The following LDLRAD3 variants were observed in gnomAD, a reference collection of about 807,000 sequenced individuals.
LDLRAD3 encodes low-density lipoprotein receptor class A domain-containing protein 3.
LDLRAD3 carries 20 observed loss-of-function variants against 29.4 expected under a neutral mutation model. The ratio of observed to expected loss-of-function variants is 0.68; its 90% CI spans 0.48 to 0.99. The LOEUF is 0.99. Among genes scored for constraint, LDLRAD3 ranks in the 50% least tolerant of loss-of-function variants. LDLRAD3 has a pLI of 0.00. For synonymous variants in LDLRAD3, 157 were observed against 192.7 expected (o/e 0.81, Z 1.53); for missense variants, 420 against 454.3 (o/e 0.92, Z 0.69).
intron 1 of LDLRAD3, among the ~76,000 whole-genome samples, chr11:35,955,437 C>T (rs940619553): frequency 6.6e-6 from 1 of 152,050 alleles, no homozygotes; most frequent in African/African-American, 2.4e-5. Flanking sequence ...CAACTAAAGA[C>T]TAAATGTAAA....
intron 1 of LDLRAD3, among the ~76,000 whole-genome samples, chr11:35,962,648 T>A (rs1851292149): frequency 6.6e-6 from 1 of 152,214 alleles, no homozygotes; most frequent in Non-Finnish European, 1.5e-5. Flanking sequence ...ATGCCCTTTC[T>A]CTAAGCATAT....
chr11:36,101,762 ATCAG>A (rs1853449746), intron 4 of LDLRAD3, among the ~76,000 whole-genome samples: 1 of 152,200 alleles, frequency 6.6e-6, no homozygotes, highest in African/African-American at 2.4e-5. Context: ...ACCCCAGCAC[ATCAG>A]TGCTGTGGGA....
intron 4 of LDLRAD3, among the ~76,000 whole-genome samples, chr11:36,107,196 T>C (rs1003943233): frequency 1.3e-5 from 2 of 152,062 alleles, no homozygotes; most frequent in African/African-American, 4.8e-5. Flanking sequence ...ATTTTTCTTT[T>C]TCTTTTTCTT....
At chr11:35,984,565 C>G (rs999135183) in intron 1 of LDLRAD3, among the ~76,000 whole-genome samples, 38 of 152,242 alleles carry the variant, frequency 2.5e-4, no homozygotes, top group African/African-American at 8.2e-4. Context: ...GGTTCTGTGT[C>G]CCTTCACCAA....
chr11:36,028,507 C>T (rs981931416), intron 1 of LDLRAD3, among the ~76,000 whole-genome samples: 9 of 151,958 alleles, frequency 5.9e-5, no homozygotes, highest in Non-Finnish European at 1.3e-4. Context: ...TAAAGTCAGC[C>T]ATCACCTGCT....
chr11:36,155,898 A>G (rs1022665872), intron 4 of LDLRAD3, among the ~76,000 whole-genome samples: 3 of 152,166 alleles, frequency 2.0e-5, no homozygotes, highest in Non-Finnish European at 4.4e-5. Context: ...TGCCTTTAAG[A>G]AGCTGAGCCA....
intron 4 of LDLRAD3, among the ~76,000 whole-genome samples, chr11:36,099,243 A>G (rs1046585435): frequency 3.9e-5 from 6 of 152,328 alleles, no homozygotes; most frequent in African/African-American, 1.2e-4. Context: ...GGAGGACACA[A>G]TGGGATAAGG....
chr11:36,105,686 G>T (rs1283763956), intron 4 of LDLRAD3, among the ~76,000 whole-genome samples: 1 of 152,082 alleles, frequency 6.6e-6, no homozygotes, highest in Non-Finnish European at 1.5e-5. Context: ...AGCAGAGATC[G>T]CCAGCAAACA....
chr11:36,013,591 A>G (rs1482235666), intron 1 of LDLRAD3, among the ~76,000 whole-genome samples: 1 of 152,054 alleles, frequency 6.6e-6, no homozygotes, highest in South Asian at 2.1e-4. Flanking sequence ...GTTTGCCGAG[A>G]GTGATGGCTT....
intron 1 of LDLRAD3, among the ~76,000 whole-genome samples, chr11:35,969,556 C>T (rs1034065132): frequency 6.6e-6 from 1 of 152,236 alleles, no homozygotes; most frequent in Non-Finnish European, 1.5e-5. Flanking sequence ...ATTTATTAAT[C>T]ACTTCCTTGG....
At chr11:35,986,949 C>G (rs1851622534) in intron 1 of LDLRAD3, among the ~76,000 whole-genome samples, 1 of 152,234 alleles carries the variant, frequency 6.6e-6, no homozygotes, top group African/African-American at 2.4e-5. Flanking sequence ...AGGGCTGTAT[C>G]TCTAGATCTC....
intron 1 of LDLRAD3, among the ~76,000 whole-genome samples, chr11:35,982,040 C>T (rs1851549013): frequency 6.6e-6 from 1 of 152,116 alleles, no homozygotes. Flanking sequence ...AAGTTGTGTG[C>T]CTGCACTCAG....
At chr11:36,061,897 A>G (rs969701959) in intron 2 of LDLRAD3, among the ~76,000 whole-genome samples, 1 of 152,186 alleles carries the variant, frequency 6.6e-6, no homozygotes, top group Non-Finnish European at 1.5e-5. Context: ...CAGTTTGCAT[A>G]TTAATTGTTA....
intron 1 of LDLRAD3, among the ~76,000 whole-genome samples, chr11:35,958,052 A>C (rs941291522): frequency 2.0e-5 from 3 of 152,192 alleles, no homozygotes; most frequent in Admixed American, 2.0e-4. Flanking sequence ...CAAAATGCTC[A>C]CTAGTAGGGG....
At chr11:36,132,575 G>T (rs181962402) in intron 4 of LDLRAD3, among the ~76,000 whole-genome samples, 1 of 152,292 alleles carries the variant, frequency 6.6e-6, no homozygotes, top group Admixed American at 6.5e-5. Context: ...GTTTGTCGAA[G>T]GTCACAAAGC....
chr11:36,087,861 A>C (rs1246950745), intron 3 of LDLRAD3, among the ~76,000 whole-genome samples: 1 of 151,954 alleles, frequency 6.6e-6, no homozygotes, highest in Non-Finnish European at 1.5e-5. Flanking sequence ...CTTCAGGCGC[A>C]CACTACCACA....
intron 4 of LDLRAD3, among the ~76,000 whole-genome samples, chr11:36,208,554 C>T (rs1183776706): frequency 6.6e-6 from 1 of 152,196 alleles, no homozygotes; most frequent in Admixed American, 6.5e-5. Flanking sequence ...CCTGATCGCC[C>T]TTAAATGCCT....
At chr11:36,197,467 T>C (rs1855051397) in intron 4 of LDLRAD3, 1 of 152,230 alleles carries the variant, frequency 6.6e-6, no homozygotes, top group African/African-American at 2.4e-5. Flanking sequence ...GTACACAGTC[T>C]TTCTGTGCTG....
chr11:36,145,885 C>A (rs1356909648), intron 4 of LDLRAD3, among the ~76,000 whole-genome samples: 1 of 151,884 alleles, frequency 6.6e-6, no homozygotes, highest in African/African-American at 2.4e-5. Context: ...CTGCAGGGTC[C>A]TCTGCCTAGG....
Sources: gnomAD v4.1 joint callset for allele counts (sites outside exome capture counted in the v4.1 genomes callset) on GRCh38, gnomAD v4.1.1 for gene constraint, MANE v1.5 for transcripts, NCBI Gene and HGNC (gene_info 2026-07-23, HGNC 2026-07-21) for gene names.